Variants in RBMS1 observed in about 807,000 individuals in gnomAD.
RBMS1 encodes the protein RNA binding motif single stranded interacting protein 1, also known as RNA-binding motif, single-stranded-interacting protein 1.
In RBMS1, 17 loss-of-function variants were observed where a neutral mutation model predicts 62.3. That is an observed-to-expected ratio of 0.27 (90% CI 0.19 to 0.41). The LOEUF (loss-of-function observed/expected upper bound fraction) is 0.41, where lower values mean the gene tolerates loss of function less well. Ranked by LOEUF, RBMS1 falls within the 10% of genes least tolerant of loss-of-function variation. RBMS1 has a pLI of 1.00. For missense variants in RBMS1, 334 were observed against 504.5 expected (o/e 0.66, Z 3.24); for synonymous variants, 172 against 170.0 (o/e 1.01, Z -0.09).
intron 3 of RBMS1, among the ~76,000 whole-genome samples, chr2:160,317,223 T>C (rs570915799): frequency 3.3e-5 from 5 of 152,330 alleles, no homozygotes; most frequent in Admixed American, 6.5e-5. Flanking sequence ...GCTTGGCTTA[T>C]AAGGAGAGGC....
chr2:160,314,546 G>C (rs1027026243), intron 3 of RBMS1, among the ~76,000 whole-genome samples: 3 of 152,076 alleles, frequency 2.0e-5, no homozygotes, highest in African/African-American at 7.2e-5. Context: ...CTCAGAAACA[G>C]CCCAAAGTCA....
At chr2:160,375,899 A>G (rs1269665363) in intron 1 of RBMS1, among the ~76,000 whole-genome samples, 1 of 151,448 alleles carries the variant, frequency 6.6e-6, no homozygotes, top group Non-Finnish European at 1.5e-5. Context: ...ATAAATGGAA[A>G]AAAAAAAAAA....
chr2:160,380,463 A>G (rs1404706513), intron 1 of RBMS1, among the ~76,000 whole-genome samples: 1 of 152,256 alleles, frequency 6.6e-6, no homozygotes, highest in Non-Finnish European at 1.5e-5. Context: ...AAAAAGCAGT[A>G]GCATGGAAAC....
chr2:160,273,717 C>CCCCAT lies in RBMS1; in HGVS notation c.*1050_*1054dup, dbSNP rs1442720785. The CCCCAT allele has an allele frequency of 6.6e-6, 1 of 151,706 alleles. No homozygotes were observed. Among genetic ancestry groups the CCCCAT allele is most frequent in the Non-Finnish European group, 1.5e-5 (1 of 67,920 alleles). The allele number at this position is 151,706 out of a possible 1,614,324, so 9.4% of individuals were successfully genotyped here. ...ACATTCAGTGACTCCCCTCCCCCACCCCCATCCCCAACCCCAACACTACCT... is the reference window on the plus strand; with the variant it reads ...ACATTCAGTGACTCCCCTCCCCCACCCCCATCCCATCCCCAACCCCAACACTACCT... On this transcript the variant is annotated 3_prime_UTR_variant, in exon 14 of 14. Transcript: ENST00000348849.
At chr2:160,330,033 A>G (rs1319369447) in intron 2 of RBMS1, among the ~76,000 whole-genome samples, 1 of 152,200 alleles carries the variant, frequency 6.6e-6, no homozygotes, top group Non-Finnish European at 1.5e-5. Context: ...AGAGCAAGTC[A>G]TGACACCTTA....
At chr2:160,375,794 C>T (rs1446892288) in intron 1 of RBMS1, among the ~76,000 whole-genome samples, 1 of 151,974 alleles carries the variant, frequency 6.6e-6, no homozygotes, top group Non-Finnish European at 1.5e-5. Context: ...TGTTTTCCTC[C>T]TCCTTGAATT....
At chr2:160,310,871 C>T (rs1362416092) in intron 4 of RBMS1, among the ~76,000 whole-genome samples, 2 of 152,062 alleles carry the variant, frequency 1.3e-5, no homozygotes, top group East Asian at 1.9e-4. Flanking sequence ...AGAATCTCTA[C>T]GCGATGGACA....
chr2:160,435,070 A>G (rs1436418140), intron 1 of RBMS1, among the ~76,000 whole-genome samples: 1 of 152,170 alleles, frequency 6.6e-6, no homozygotes, highest in African/African-American at 2.4e-5. Context: ...CATGACCCCA[A>G]CTTTCTACAG....
intron 1 of RBMS1, among the ~76,000 whole-genome samples, chr2:160,450,563 T>TAAAAAAAAAAAAAAA (rs71006605): frequency 4.9e-5 from 6 of 122,382 alleles, no homozygotes; most frequent in South Asian, 2.6e-4. Context: ...AAATAAAAAA[T>TAAAAAAAAAAAAAAA]GAAAAAAAAA....
At chr2:160,381,684 G>C (rs772821656) in intron 1 of RBMS1, among the ~76,000 whole-genome samples, 2 of 152,210 alleles carry the variant, frequency 1.3e-5, no homozygotes, top group African/African-American at 4.8e-5. Flanking sequence ...TTGTTTGATA[G>C]AGAACTACTC....
At chr2:160,353,919 A>C (rs945905778) in intron 2 of RBMS1, among the ~76,000 whole-genome samples, 1 of 152,114 alleles carries the variant, frequency 6.6e-6, no homozygotes, top group Non-Finnish European at 1.5e-5. Flanking sequence ...CAAGAACCCT[A>C]CGTTGCAGAT....
Position 160,351,333 on chromosome 2 carries a change from T to TA in RBMS1, c.251+15882dup, listed in dbSNP as rs1017646035. Among the ~76,000 whole-genome samples, 472 of 144,516 alleles carry TA rather than the reference T, an allele frequency of 3.3e-3. 1 individual carries two copies. The highest frequency in any genetic ancestry group is 0.011 in the Middle Eastern group (3 of 278). The allele number at this position is 144,516 out of a possible 152,430, so 94.8% of individuals were successfully genotyped here. On this transcript the variant is annotated intron_variant, in intron 2 of 13. Coordinates refer to ENST00000348849, the MANE Select transcript of RBMS1 (RefSeq NM_016836.4). ...CTAGAACTTAAAGTATAATAAATAA[T>TA]AAAAAAAAAAGAGAGAATGAAGCAG...
rs567012045 is a variant in RBMS1, at chr2:160,311,261, CTGTT to C, written c.402+1891_402+1894del. On this transcript the variant is annotated intron_variant, in intron 4 of 13. Transcript: ENST00000348849. ...ATATATATATATATATATATATAGT[CTGTT>C]TATTTTAACTTCTTACTCTGGAGTT... Among the ~76,000 whole-genome samples, 73 of 63,882 alleles carry C rather than the reference CTGTT, an allele frequency of 1.1e-3. 1 individual carries two copies. The South Asian group carries it at 0.03, about 26-fold the overall frequency. 41.9% of individuals were successfully genotyped at this position (63,882 alleles called of 152,430 possible). A position where few individuals can be genotyped will look rare whatever the true frequency, so the allele number is the denominator to read the frequency against.
intron 1 of RBMS1, among the ~76,000 whole-genome samples, chr2:160,456,275 C>A (rs1291522461): frequency 2.0e-5 from 3 of 152,150 alleles, no homozygotes; most frequent in African/African-American, 7.2e-5. Flanking sequence ...TGATTTAAAC[C>A]TCTTACCAGC....
intron 1 of RBMS1, among the ~76,000 whole-genome samples, chr2:160,411,348 TA>T (rs960154762): frequency 6.6e-6 from 1 of 152,020 alleles, no homozygotes; most frequent in African/African-American, 2.4e-5. Context: ...AAGCCAAGGT[TA>T]TGAGGAAGCA....
At chr2:160,303,513 T>C in intron 4 of RBMS1, 26 bp from the exon 5 acceptor site, 2 of 1,578,688 alleles carry the variant, frequency 1.3e-6, no homozygotes, top group Non-Finnish European at 1.7e-6. Context: ...GTGTTGTCCA[T>C]TAATTTCCAA....
At chr2:160,448,395 C>A (rs1159138938) in intron 1 of RBMS1, among the ~76,000 whole-genome samples, 1 of 152,072 alleles carries the variant, frequency 6.6e-6, no homozygotes, top group Non-Finnish European at 1.5e-5. Flanking sequence ...AACCTCCCTG[C>A]CTAATTCTCC....
intron 5 of RBMS1, among the ~76,000 whole-genome samples, chr2:160,300,970 G>A (rs980451201): frequency 6.6e-6 from 1 of 152,182 alleles, no homozygotes; most frequent in African/African-American, 2.4e-5. Context: ...TCTACTGAGT[G>A]TTTAAGATCA....
intron 2 of RBMS1, among the ~76,000 whole-genome samples, chr2:160,360,298 C>A (rs535850457): frequency 5.3e-5 from 8 of 152,154 alleles, no homozygotes; most frequent in Non-Finnish European, 1.2e-4. Flanking sequence ...AGAGGCTTCC[C>A]TCTCACCTAT....
Sources: gnomAD v4.1 joint callset for allele counts (sites outside exome capture counted in the v4.1 genomes callset) on GRCh38, gnomAD v4.1.1 for gene constraint, MANE v1.5 for transcripts, NCBI Gene and HGNC (gene_info 2026-07-23, HGNC 2026-07-21) for gene names.